EYA2: variants seen among roughly 807,000 people sequenced by gnomAD.
EYA2 encodes EYA transcriptional coactivator and phosphatase 2.
A neutral mutation model predicts 69.2 loss-of-function variants in EYA2; 31 were observed. That is an observed-to-expected ratio of 0.45 (90% confidence interval 0.34 to 0.60). The LOEUF (loss-of-function observed/expected upper bound fraction) is 0.60, where lower values mean the gene tolerates loss of function less well. EYA2 is among the 20% of genes least tolerant of loss of function. The pLI is 0.02. For missense variants in EYA2, 622 were observed against 701.2 expected (o/e 0.89, Z 1.28); for synonymous variants, 257 against 279.4 (o/e 0.92, Z 0.80).
chr20:47,068,167 A>G (rs1256670951), intron 5 of EYA2, among the ~76,000 whole-genome samples: 1 of 152,242 alleles, frequency 6.6e-6, no homozygotes, highest in Non-Finnish European at 1.5e-5. Context: ...CCTTCCTCTC[A>G]GGATCGATGT....
chr20:47,057,163 AAG>A (rs2030668922), intron 5 of EYA2, among the ~76,000 whole-genome samples: 2 of 150,266 alleles, frequency 1.3e-5, no homozygotes, highest in African/African-American at 2.4e-5. Context: ...GGAAGGAAGG[AAG>A]GAAGGAAGGA....
At chr20:46,918,918 G>C (rs1400090708) in intron 1 of EYA2, among the ~76,000 whole-genome samples, 2 of 152,220 alleles carry the variant, frequency 1.3e-5, no homozygotes, top group Admixed American at 1.3e-4. Flanking sequence ...CAGAATGGAT[G>C]CTGTGTTAGT....
Position 47,097,190 on chromosome 20 carries a change from C to T in EYA2, c.888+22C>T, listed in dbSNP as rs537585613. 6.4e-6 allele frequency: 10 copies of T among 1,568,770 alleles called. No individual in the cohort carries two copies. In the African/African-American group the frequency reaches 8.2e-5, roughly 13 times the overall value. On this transcript the variant is annotated intron_variant, in intron 9 of 15. Transcript: ENST00000327619. ...GAAGGTAAGAATCCATTTTGTCTCT[C>T]TCTCTCTTTTTTTGTTTTCAACGTT...
chr20:47,040,841 G>A (rs934014634), intron 5 of EYA2, among the ~76,000 whole-genome samples: 1 of 131,020 alleles, frequency 7.6e-6, no homozygotes, highest in Non-Finnish European at 1.5e-5. Context: ...CTGGGGGTTA[G>A]GGGGGAGGTT....
intron 9 of EYA2, among the ~76,000 whole-genome samples, chr20:47,127,691 C>A (rs1214767840): frequency 6.6e-6 from 1 of 152,222 alleles, no homozygotes; most frequent in Non-Finnish European, 1.5e-5. Flanking sequence ...ACTCTCCTCC[C>A]CAAGGGCTCA....
chr20:47,017,691 A>C (rs1234587879), intron 5 of EYA2, among the ~76,000 whole-genome samples: 3 of 152,112 alleles, frequency 2.0e-5, no homozygotes, highest in Non-Finnish European at 2.9e-5. Flanking sequence ...GCCAGCCTTG[A>C]CCAAACATGC....
At chr20:47,175,892 G>A (rs149781495) in intron 12 of EYA2, among the ~76,000 whole-genome samples, 1 of 152,298 alleles carries the variant, frequency 6.6e-6, no homozygotes, top group East Asian at 1.9e-4. Flanking sequence ...AGACTAATGA[G>A]AAGATGGGAC....
chr20:47,061,174 CCTT>C (rs758961969), intron 5 of EYA2, among the ~76,000 whole-genome samples: 4 of 152,128 alleles, frequency 2.6e-5, no homozygotes, highest in Non-Finnish European at 4.4e-5. Context: ...TCTTTACTCT[CCTT>C]CTTCCCTTGT....
intron 1 of EYA2, among the ~76,000 whole-genome samples, chr20:46,900,623 A>G (rs1284699810): frequency 1.3e-5 from 2 of 152,252 alleles, no homozygotes; most frequent in African/African-American, 4.8e-5. Context: ...TGAGTTTTAA[A>G]TGTCATTGTT....
intron 5 of EYA2, among the ~76,000 whole-genome samples, chr20:47,070,936 A>T (rs115758603): frequency 0.018 from 2,670 of 151,972 alleles, 61 homozygotes; most frequent in African/African-American, 0.061. Context: ...GCAGCCTCAA[A>T]CTCCTAGGTT....
intron 9 of EYA2, among the ~76,000 whole-genome samples, chr20:47,105,351 G>A (rs539713415): frequency 5.3e-5 from 8 of 152,170 alleles, no homozygotes; most frequent in South Asian, 2.1e-4. Flanking sequence ...GTGGCTGGGC[G>A]TGGTGGCCCA....
intron 1 of EYA2, among the ~76,000 whole-genome samples, chr20:46,899,287 G>T (rs1021672936): frequency 1.3e-5 from 2 of 152,202 alleles, no homozygotes; most frequent in African/African-American, 4.8e-5. Context: ...TAAATGCACA[G>T]AACACAGTTA....
At chr20:47,013,829 AG>A (rs1983237225) in intron 4 of EYA2, among the ~76,000 whole-genome samples, 1 of 152,250 alleles carries the variant, frequency 6.6e-6, no homozygotes, top group South Asian at 2.1e-4. Flanking sequence ...CTGAGCAAAA[AG>A]AAGGTGCTGT....
rs140651498 is a variant in EYA2 at position 47,083,076 on chromosome 20, A to G, written c.662-6163A>G. ...GGCAGTGGGTTGTGCCTGCAGTCCC[A>G]TCTGCTCAGGAAGGTGAGGTGGGAG... On this transcript the variant is annotated intron_variant, in intron 7 of 15. Coordinates refer to ENST00000327619, the MANE Select transcript of EYA2 (RefSeq NM_005244.5). Among the ~76,000 whole-genome samples, 90 of 152,082 alleles carry G rather than the reference A, an allele frequency of 5.9e-4. No individual in the cohort carries two copies. The East Asian group carries it at 0.015, about 26-fold the overall frequency.
intron 5 of EYA2, among the ~76,000 whole-genome samples, chr20:47,039,542 T>C (rs1171053753): frequency 2.6e-5 from 4 of 152,180 alleles, no homozygotes; most frequent in Non-Finnish European, 4.4e-5. Context: ...CAGAAAGAAA[T>C]GCGTTTTATA....
At position 46,923,139 on chromosome 20, in the gene EYA2, G is replaced by A. The variant is rs901425721; in HGVS notation, c.-11+28152G>A. On this transcript the variant is annotated intron_variant, in intron 1 of 15. Transcript: ENST00000327619. ...TCCAAGCACTTTGGGAGGCTGAGGC[G>A]GGCGGATCACTTGAGGCCAGGAGTT... Among the ~76,000 whole-genome samples, 8 of 152,288 alleles carry A rather than the reference G, an allele frequency of 5.3e-5. No homozygotes were observed. In the East Asian group the frequency reaches 9.7e-4, roughly 18 times the overall value.
intron 10 of EYA2, among the ~76,000 whole-genome samples, chr20:47,154,653 C>T (rs1043806085): frequency 2.0e-4 from 31 of 151,774 alleles, no homozygotes; most frequent in African/African-American, 7.5e-4. Flanking sequence ...ACAGTGGACT[C>T]AAAGGAAGAA....
At chr20:47,133,225 G>C (rs773711877) in intron 9 of EYA2, among the ~76,000 whole-genome samples, 6 of 152,166 alleles carry the variant, frequency 3.9e-5, no homozygotes, top group East Asian at 3.9e-4. Context: ...CGGCATCCTT[G>C]AGCCTAGATC....
At chr20:46,966,814 C>CAA (rs35126216) in intron 1 of EYA2, among the ~76,000 whole-genome samples, 341 of 123,996 alleles carry the variant, frequency 2.8e-3, no homozygotes, top group African/African-American at 8.5e-3. Flanking sequence ...GACTCCATCT[C>CAA]AAAAAAAAAA....
Sources: gnomAD v4.1 joint callset for allele counts (sites outside exome capture counted in the v4.1 genomes callset) on GRCh38, gnomAD v4.1.1 for gene constraint, MANE v1.5 for transcripts, NCBI Gene and HGNC (gene_info 2026-07-23, HGNC 2026-07-21) for gene names.